Variants in PLEKHA5 observed in about 807,000 individuals in gnomAD.
The protein encoded by PLEKHA5 is pleckstrin homology domain containing A5, also known as pleckstrin homology domain-containing family A member 5.
PLEKHA5 carries 55 observed loss-of-function variants against 181.9 expected under a neutral mutation model. That is an observed-to-expected ratio of 0.30 (90% CI 0.24 to 0.38). The LOEUF (loss-of-function observed/expected upper bound fraction) is 0.38, where lower values mean the gene tolerates loss of function less well. Among genes scored for constraint, PLEKHA5 ranks in the 10% least tolerant of loss-of-function variants. The pLI is 1.00. For synonymous variants in PLEKHA5, 535 were observed against 529.4 expected (o/e 1.01, Z -0.15); for missense variants, 1,432 against 1,549.5 (o/e 0.92, Z 1.27).
intron 10 of PLEKHA5, among the ~76,000 whole-genome samples, chr12:19,271,654 T>C (rs191636289): frequency 1.6e-3 from 251 of 152,330 alleles, no homozygotes; most frequent in Middle Eastern, 3.4e-3. Context: ...AATTTCAGCA[T>C]GTTTCTACTT....
chr12:19,131,361 T>A (rs1339986994), intron 2 of PLEKHA5, among the ~76,000 whole-genome samples: 1 of 152,226 alleles, frequency 6.6e-6, no homozygotes, highest in African/African-American at 2.4e-5. Flanking sequence ...GAAAGGCTGG[T>A]GTAGCAAGCA....
chr12:19,205,385 TAGAAACC>T lies in PLEKHA5; in HGVS notation c.228-48550_228-48544del, dbSNP rs940776653. 2.8e-5 allele frequency: 28 copies of T among 984,842 alleles called. No homozygotes were observed. In the African/African-American group the frequency reaches 4.9e-4, roughly 17 times the overall value. 61.0% of individuals were successfully genotyped at this position (984,842 alleles called of 1,614,324 possible). ...TGTCAGGAAGCATGTAATTTGTCTT[TAGAAACC>T]AGAAGCCTGAGACAAAGAAAAGAAC... On this transcript the variant is annotated intron_variant, in intron 3 of 31. Coordinates refer to ENST00000429027, the MANE Select transcript of PLEKHA5 (RefSeq NM_001256470.2).
rs371856943 is a variant in PLEKHA5, at chr12:19,275,006, T to C, written c.1313+23T>C. ...GGGGTAAGTGTCTGTCTTGTCATTATGAACCCAGGTTTCTTTGATGCTGTG... is the reference window on the plus strand; with the variant it reads ...GGGGTAAGTGTCTGTCTTGTCATTACGAACCCAGGTTTCTTTGATGCTGTG... On this transcript the variant is annotated intron_variant, in intron 11 of 31. Coordinates refer to ENST00000429027, the MANE Select transcript of PLEKHA5 (RefSeq NM_001256470.2). The C allele has an allele frequency of 2.3e-5, 34 of 1,510,286 alleles. No individual in the cohort carries two copies. In the African/African-American group the frequency reaches 4.5e-4, roughly 20 times the overall value. The allele number at this position is 1,510,286 out of a possible 1,614,324, so 93.6% of individuals were successfully genotyped here.
chr12:19,253,535 G>A (rs77855047), intron 3 of PLEKHA5, among the ~76,000 whole-genome samples: 14,622 of 151,910 alleles, frequency 0.096, 725 homozygotes, highest in South Asian at 0.14. Flanking sequence ...AAAGGCTGGC[G>A]GCCAGGTGCC....
At chr12:19,374,514 C>T (rs1477530966) in intron 31 of PLEKHA5, among the ~76,000 whole-genome samples, 1 of 151,238 alleles carries the variant, frequency 6.6e-6, no homozygotes, top group Non-Finnish European at 1.5e-5. Flanking sequence ...CAAAAATTAG[C>T]TGGGCGTGGT....
At position 19,347,114 on chromosome 12, in the gene PLEKHA5, C is replaced by CCAGTT. The variant is rs2094371662; in HGVS notation, c.2833_2837dup (p.His946GlnfsTer36). ...CTCCTTGCTCTGTTATAGCAGGGGC[C>CCAGTT]CAGTTCATCTGCCTGAAGAAAAGAA... On this transcript the variant is annotated frameshift_variant, in exon 24 of 32. Transcript: ENST00000429027. LOFTEE classifies it high-confidence loss of function. 1 of 1,550,152 alleles carries CCAGTT rather than the reference C, an allele frequency of 6.5e-7. No homozygotes were observed. The highest frequency in any genetic ancestry group is 2.0e-5 in the Admixed American group (1 of 50,926).
intron 3 of PLEKHA5, among the ~76,000 whole-genome samples, chr12:19,231,158 A>C (rs2060478525): frequency 6.6e-6 from 1 of 152,152 alleles, no homozygotes; most frequent in Admixed American, 6.5e-5. Flanking sequence ...CAACCATTGT[A>C]AGAGTTTCTT....
intron 3 of PLEKHA5, among the ~76,000 whole-genome samples, chr12:19,143,705 A>G (rs2038096180): frequency 6.6e-6 from 1 of 152,114 alleles, no homozygotes; most frequent in African/African-American, 2.4e-5. Context: ...TAATATGTAT[A>G]TATATTTTTA....
At chr12:19,296,216 G>A (rs2079739152) in intron 15 of PLEKHA5, among the ~76,000 whole-genome samples, 1 of 150,516 alleles carries the variant, frequency 6.6e-6, no homozygotes, top group Non-Finnish European at 1.5e-5. Flanking sequence ...CTACAGCCCG[G>A]GCGACAGAGT....
chr12:19,167,761 A>C (rs1338374985), intron 3 of PLEKHA5, among the ~76,000 whole-genome samples: 1 of 152,050 alleles, frequency 6.6e-6, no homozygotes, highest in African/African-American at 2.4e-5. Context: ...ATAAACATAA[A>C]ATTACAACTA....
At chr12:19,193,766 G>A (rs1565449547) in intron 3 of PLEKHA5, among the ~76,000 whole-genome samples, 1 of 152,176 alleles carries the variant, frequency 6.6e-6, no homozygotes, top group African/African-American at 2.4e-5. Context: ...ATAAAGAAAA[G>A]AAATTTAATT....
intron 3 of PLEKHA5, among the ~76,000 whole-genome samples, chr12:19,230,194 C>T (rs2060286251): frequency 1.3e-5 from 2 of 152,258 alleles, no homozygotes; most frequent in South Asian, 2.1e-4. Context: ...GGTACATTTA[C>T]AAACCTTAAG....
chr12:19,349,944 C>A (rs990430311), intron 25 of PLEKHA5, among the ~76,000 whole-genome samples: 1 of 152,066 alleles, frequency 6.6e-6, no homozygotes, highest in Non-Finnish European at 1.5e-5. Context: ...AACCCTGTCT[C>A]TACTAAAAAT....
intron 9 of PLEKHA5, 69 bp from the exon 10 acceptor site, chr12:19,270,119 T>C: frequency 1.1e-6 from 1 of 915,924 alleles, no homozygotes; most frequent in Admixed American, 3.3e-5. Flanking sequence ...TTATTCATTT[T>C]CACCTATCGG....
chr12:19,132,255 T>G (rs2034140206), intron 2 of PLEKHA5, 138 bp from the exon 3 acceptor site: 1 of 613,624 alleles, frequency 1.6e-6, no homozygotes, highest in East Asian at 2.9e-5. Flanking sequence ...ATCTGTTGTA[T>G]TGCCAGCTCA....
intron 3 of PLEKHA5, among the ~76,000 whole-genome samples, chr12:19,165,501 A>G (rs925399883): frequency 6.6e-6 from 1 of 151,648 alleles, no homozygotes; most frequent in Non-Finnish European, 1.5e-5. Flanking sequence ...CTGGGTAGGA[A>G]CTTTTTATGT....
chr12:19,174,825 T>A (rs2046809022), intron 3 of PLEKHA5, among the ~76,000 whole-genome samples: 1 of 152,200 alleles, frequency 6.6e-6, no homozygotes, highest in African/African-American at 2.4e-5. Context: ...AACATAAATC[T>A]CCATGCAGTC....
At chr12:19,286,620 A>G (rs1046257939) in intron 12 of PLEKHA5, among the ~76,000 whole-genome samples, 10 of 152,142 alleles carry the variant, frequency 6.6e-5, no homozygotes, top group African/African-American at 2.2e-4. Flanking sequence ...TAAGAATATA[A>G]AGGGATCCTG....
intron 3 of PLEKHA5, among the ~76,000 whole-genome samples, chr12:19,210,263 C>T (rs538966641): frequency 6.6e-6 from 1 of 152,300 alleles, no homozygotes; most frequent in Admixed American, 6.5e-5. Flanking sequence ...TCCCCTGATA[C>T]ATCTTAGTAA....
Sources: allele counts gnomAD v4.1 joint callset (sites outside exome capture counted in the v4.1 genomes callset), GRCh38; gene constraint gnomAD v4.1.1; transcripts MANE v1.5; gene names NCBI Gene and HGNC (gene_info 2026-07-23, HGNC 2026-07-21).